The following IRAG1 variants were observed in gnomAD, a reference collection of about 807,000 sequenced individuals.
IRAG1 encodes the protein IP3R-associated cGMP kinase substrate.
In IRAG1, 62 loss-of-function variants were observed where a neutral mutation model predicts 106.2. The observed-to-expected ratio is 0.58, with a 90% CI of 0.48 to 0.72. The LOEUF (loss-of-function observed/expected upper bound fraction) is 0.72. Among genes scored for constraint, IRAG1 ranks in the 30% least tolerant of loss-of-function variants. IRAG1 has a pLI of 0.00. For synonymous variants in IRAG1, 462 were observed against 443.9 expected (o/e 1.04, Z -0.51); for missense variants, 1,064 against 1,140.7 (o/e 0.93, Z 0.97).
rs1564929498 is a variant in IRAG1, at chr11:10,652,156, TGCTCCAAGAG to T, written c.84_93del (p.Trp30LeufsTer60). Reference sequence around the variant, plus strand: ...ACCTCCGCTGCGTCAGCCCCAAAGATGCTCCAAGAGGCCTGGGCTCCACAGGCTGGGGAGA... The same window carrying T: ...ACCTCCGCTGCGTCAGCCCCAAAGATGCCTGGGCTCCACAGGCTGGGGAGA... On this transcript the variant is annotated frameshift_variant, in exon 2 of 21. Coordinates refer to ENST00000423302, the MANE Select transcript of IRAG1 (RefSeq NM_130385.4). LOFTEE classifies it high-confidence loss of function. The T allele has an allele frequency of 1.2e-6, 2 of 1,613,750 alleles. No individual in the cohort carries two copies.
intron 11 of IRAG1, among the ~76,000 whole-genome samples, chr11:10,607,217 C>A (rs961238056): frequency 6.6e-6 from 1 of 152,178 alleles, no homozygotes; most frequent in African/African-American, 2.4e-5. Context: ...ATAACTCATA[C>A]ACATCTAAGT....
chr11:10,628,660 T>C lies in IRAG1; in HGVS notation c.652+91A>G, dbSNP rs912168810. The C allele has an allele frequency of 8.2e-6, 9 of 1,098,108 alleles. No individual in the cohort carries two copies. The African/African-American group carries it at 1.5e-4, about 18-fold the overall frequency. 68.0% of individuals were successfully genotyped at this position (1,098,108 alleles called of 1,614,324 possible). A position where few individuals can be genotyped will look rare whatever the true frequency, so the allele number is the denominator to read the frequency against. On this transcript the variant is annotated intron_variant, in intron 6 of 20. Transcript: ENST00000423302. The surrounding 1 kb of genome is among the most constrained non-coding windows in gnomAD (Gnocchi z 4.1). Reference sequence around the variant, plus strand: ...CATCAGAGTTCTTGAAGGGGAAGCCTGCAGGCTGGGAGGCATGCTGATCTG... The same window carrying C: ...CATCAGAGTTCTTGAAGGGGAAGCCCGCAGGCTGGGAGGCATGCTGATCTG...
At chr11:10,655,510 T>A (rs987761799) in intron 1 of IRAG1, among the ~76,000 whole-genome samples, 33 of 152,328 alleles carry the variant, frequency 2.2e-4, no homozygotes, top group Middle Eastern at 3.4e-3. Flanking sequence ...TTCTAGTGGT[T>A]GGAACCACCT....
intron 2 of IRAG1, among the ~76,000 whole-genome samples, chr11:10,636,290 T>C (rs752505743): frequency 2.0e-5 from 3 of 152,238 alleles, no homozygotes; most frequent in Non-Finnish European, 4.4e-5. Context: ...TTGCCCTGGT[T>C]CAGCCTCCTG....
At chr11:10,609,941 G>A (rs996498281) in intron 10 of IRAG1, 90 bp from the exon 11 acceptor site, 1 of 1,309,858 alleles carries the variant, frequency 7.6e-7, no homozygotes, top group Admixed American at 2.2e-5. Flanking sequence ...ACATTTATAA[G>A]TATCTAGTTC....
chr11:10,622,510 CTTTT>C (rs899922532), intron 10 of IRAG1, among the ~76,000 whole-genome samples: 1 of 152,058 alleles, frequency 6.6e-6, no homozygotes, highest in African/African-American at 2.4e-5. Flanking sequence ...AAAAATGTTT[CTTTT>C]GAGACAGGAT....
At chr11:10,586,831 T>C (rs1852059851) in intron 18 of IRAG1, among the ~76,000 whole-genome samples, 1 of 152,206 alleles carries the variant, frequency 6.6e-6, no homozygotes, top group Admixed American at 6.5e-5. Flanking sequence ...AGAAGGACTG[T>C]GTTTGGGTCA....
At chr11:10,606,556 G>A (rs552677015) in intron 12 of IRAG1, among the ~76,000 whole-genome samples, 186 bp downstream of exon 12, 10 of 152,168 alleles carry the variant, frequency 6.6e-5, no homozygotes, top group Non-Finnish European at 1.2e-4. Context: ...AATCTTCCAT[G>A]AACGGACGTG....
intron 1 of IRAG1, chr11:10,690,248 G>A (rs1395334922): frequency 1.5e-5 from 6 of 408,108 alleles, no homozygotes; most frequent in African/African-American, 4.4e-5. Context: ...AAATTAGCCA[G>A]GCATGGTGGT....
intron 18 of IRAG1, among the ~76,000 whole-genome samples, chr11:10,587,626 T>C (rs1439891394): frequency 1.3e-5 from 2 of 152,172 alleles, no homozygotes; most frequent in Admixed American, 6.5e-5. Flanking sequence ...TTAAAATTGC[T>C]CTGTGATACA....
chr11:10,633,075 C>CT lies in IRAG1; in HGVS notation c.329+892dup, dbSNP rs34222717. Among the ~76,000 whole-genome samples, 491 of 124,802 alleles carry CT rather than the reference C, an allele frequency of 3.9e-3. 1 individual carries two copies. The highest frequency in any genetic ancestry group is 6.2e-3 in the African/African-American group (201 of 32,484). 81.9% of individuals were successfully genotyped at this position (124,802 alleles called of 152,430 possible). On this transcript the variant is annotated intron_variant, in intron 3 of 20. Transcript: ENST00000423302. ...TTTTTCCTTTTCTTTTTCTTTCTTT[C>CT]TTTTTTTTTTTTTTTTTGAGACGGA...
At chr11:10,580,167 C>T (rs973527338) in intron 20 of IRAG1, among the ~76,000 whole-genome samples, 9 of 152,216 alleles carry the variant, frequency 5.9e-5, no homozygotes, top group South Asian at 2.1e-4. Context: ...CAGGGCCCTT[C>T]GCCCTTCCTT....
At position 10,647,320 on chromosome 11, in the gene IRAG1, T is replaced by G. The variant is rs1858038994; in HGVS notation, c.225+4705A>C. ...TAGTTAATTTCTTTGTGCCTCAGTT[T>G]CCTCAGCTATGAAATGGGAATGATA... On this transcript the variant is annotated intron_variant, in intron 2 of 20. Transcript: ENST00000423302. The surrounding 1 kb of genome is among the most constrained non-coding windows in gnomAD (Gnocchi z 4.3). Among the ~76,000 whole-genome samples the G allele has an allele frequency of 6.6e-6, 1 of 152,222 alleles. No homozygotes were observed. The highest frequency in any genetic ancestry group is 2.4e-5 in the African/African-American group (1 of 41,462).
At chr11:10,634,692 G>C (rs1357321676) in intron 2 of IRAG1, among the ~76,000 whole-genome samples, 1 of 151,046 alleles carries the variant, frequency 6.6e-6, no homozygotes, top group African/African-American at 2.4e-5. Context: ...TGTCCTGCAG[G>C]CTCACCCACA....
intron 17 of IRAG1, 39 bp downstream of exon 17, chr11:10,593,453 T>C: frequency 6.4e-7 from 1 of 1,562,764 alleles, no homozygotes; most frequent in South Asian, 1.1e-5. Context: ...AAGGTTATTC[T>C]ACTATTCTGT....
At chr11:10,648,789 C>A (rs557405693) in intron 2 of IRAG1, among the ~76,000 whole-genome samples, 2 of 151,962 alleles carry the variant, frequency 1.3e-5, no homozygotes, top group Admixed American at 6.5e-5. Context: ...CTGTGCATGC[C>A]TGTGTATCTG....
chr11:10,672,787 G>T (rs1204033651), intron 1 of IRAG1, among the ~76,000 whole-genome samples: 1 of 152,122 alleles, frequency 6.6e-6, no homozygotes, highest in African/African-American at 2.4e-5. Flanking sequence ...TTGAACATAG[G>T]ATTACTGCAT....
chr11:10,680,619 C>T (rs1861181025), intron 1 of IRAG1, among the ~76,000 whole-genome samples: 1 of 151,846 alleles, frequency 6.6e-6, no homozygotes, highest in African/African-American at 2.4e-5. Flanking sequence ...TAGAGGGTGT[C>T]CAGAGGTGAG....
At chr11:10,650,845 C>T (rs1235091096) in intron 2 of IRAG1, among the ~76,000 whole-genome samples, 1 of 152,200 alleles carries the variant, frequency 6.6e-6, no homozygotes, top group Non-Finnish European at 1.5e-5. Context: ...CCAAGTTCTG[C>T]AACATCTTAA....
Sources: allele counts gnomAD v4.1 joint callset (sites outside exome capture counted in the v4.1 genomes callset), GRCh38; gene constraint gnomAD v4.1.1; non-coding constraint Gnocchi (gnomAD v3.1); transcripts MANE v1.5; gene names NCBI Gene and HGNC (gene_info 2026-07-23, HGNC 2026-07-21).